NR3C2: variants seen among roughly 807,000 people sequenced by gnomAD.
NR3C2 encodes mineralocorticoid receptor.
A neutral mutation model predicts 86.4 loss-of-function variants in NR3C2; 15 were observed. The ratio of observed to expected loss-of-function variants is 0.17; its 90% CI spans 0.12 to 0.27. The LOEUF (loss-of-function observed/expected upper bound fraction) is 0.27. Ranked by LOEUF, NR3C2 falls within the 10% of genes least tolerant of loss-of-function variation. NR3C2 has a pLI of 1.00. For missense variants in NR3C2, 960 were observed against 1,195.6 expected, an observed-to-expected ratio of 0.80 and a Z score of 2.91; for synonymous variants, 458 against 450.5, an observed-to-expected ratio of 1.02 and a Z score of -0.21.
chr4:148,177,248 A>T (rs1389405982), intron 4 of NR3C2, among the ~76,000 whole-genome samples: 1 of 152,244 alleles, frequency 6.6e-6, no homozygotes, highest in Admixed American at 6.5e-5. Context: ...TAATTTGACA[A>T]ATCAATAGTT....
chr4:148,209,243 CAAAA>C (rs772286541), intron 3 of NR3C2, among the ~76,000 whole-genome samples: 2 of 108,810 alleles, frequency 1.8e-5, no homozygotes, highest in Non-Finnish European at 4.1e-5. Flanking sequence ...GACTCAGTCT[CAAAA>C]AAAAAAAAAA....
intron 4 of NR3C2, among the ~76,000 whole-genome samples, chr4:148,179,034 A>C (rs943092407): frequency 2.0e-5 from 3 of 151,672 alleles, no homozygotes; most frequent in African/African-American, 7.2e-5. Context: ...GCAGTTCACA[A>C]AGACTGTGCA....
intron 2 of NR3C2, among the ~76,000 whole-genome samples, chr4:148,431,297 T>C (rs986385593): frequency 1.3e-5 from 2 of 152,142 alleles, no homozygotes; most frequent in Non-Finnish European, 2.9e-5. Flanking sequence ...CTGAAAACCA[T>C]GAAGCTAGAC....
chr4:148,249,931 A>T lies in NR3C2; in HGVS notation c.1897+10047T>A, dbSNP rs533995344. On this transcript the variant is annotated intron_variant, in intron 3 of 8. Coordinates refer to ENST00000358102, the MANE Select transcript of NR3C2 (RefSeq NM_000901.5). ...TCTTTTCTTGATGTGGATTTGGTTTATGGTATCAGAAAGATGAGAGGGAGA... is the reference window on the plus strand; with the variant it reads ...TCTTTTCTTGATGTGGATTTGGTTTTTGGTATCAGAAAGATGAGAGGGAGA... Among the ~76,000 whole-genome samples, 12 of 152,268 alleles carry T rather than the reference A, an allele frequency of 7.9e-5. No homozygotes were observed. The South Asian group carries it at 2.5e-3, about 32-fold the overall frequency.
chr4:148,440,674 C>T (rs1750294337), intron 1 of NR3C2, among the ~76,000 whole-genome samples: 1 of 152,204 alleles, frequency 6.6e-6, no homozygotes, highest in Admixed American at 6.5e-5. Context: ...GGAGGTGCTA[C>T]TTTAAGCCAT....
chr4:148,153,530 T>C (rs544585441), intron 5 of NR3C2, among the ~76,000 whole-genome samples: 2 of 152,332 alleles, frequency 1.3e-5, no homozygotes, highest in Non-Finnish European at 2.9e-5. Context: ...GTTATTTTTC[T>C]GCCTGTGGAG....
intron 6 of NR3C2, among the ~76,000 whole-genome samples, chr4:148,142,108 G>A (rs1410461441): frequency 6.6e-6 from 1 of 152,142 alleles, no homozygotes; most frequent in Non-Finnish European, 1.5e-5. Context: ...TAATTTGGCT[G>A]GTGTGGAGTA....
chr4:148,100,862 C>CA (rs1296627274), intron 8 of NR3C2, among the ~76,000 whole-genome samples: 4 of 144,254 alleles, frequency 2.8e-5, no homozygotes, highest in African/African-American at 9.9e-5. Flanking sequence ...TGTATACATA[C>CA]AATGAAATAT....
intron 3 of NR3C2, among the ~76,000 whole-genome samples, chr4:148,213,106 A>G (rs1737360025): frequency 6.6e-6 from 1 of 150,620 alleles, no homozygotes; most frequent in African/African-American, 2.5e-5. Flanking sequence ...AATTTCTCCA[A>G]AGTTGAGAAG....
At chr4:148,425,337 T>C (rs1180068183) in intron 2 of NR3C2, among the ~76,000 whole-genome samples, 3 of 152,180 alleles carry the variant, frequency 2.0e-5, no homozygotes, top group Non-Finnish European at 2.9e-5. Flanking sequence ...TAAAGAAAGA[T>C]CATTCTGACA....
rs140737358 is a variant in NR3C2 at position 148,099,161 on chromosome 4, G to A, written c.2799+14943C>T. 6.6e-5 allele frequency among the ~76,000 whole-genome samples: 10 copies of A among 152,304 alleles called. No homozygotes were observed. In the East Asian group the frequency reaches 7.7e-4, roughly 12 times the overall value. On this transcript the variant is annotated intron_variant, in intron 8 of 8. Transcript: ENST00000358102. ...TTATATTATGCCTAGGCCAGGCTGC[G>A]TAACTGCGTAATTGGTGGGGCCCTG...
chr4:148,080,691 CT>C lies in NR3C2; in HGVS notation c.*652del. The C allele has an allele frequency of 3.7e-6, 1 of 267,846 alleles. No individual in the cohort carries two copies. Among genetic ancestry groups the C allele is most frequent in the Admixed American group, 4.0e-5 (1 of 24,840 alleles). 16.6% of individuals were successfully genotyped at this position (267,846 alleles called of 1,614,324 possible). On this transcript the variant is annotated 3_prime_UTR_variant, in exon 9 of 9. Coordinates refer to ENST00000358102, the MANE Select transcript of NR3C2 (RefSeq NM_000901.5). ...ATTTGTAAAGCCAACACAATAGATA[CT>C]AGAAATCAAACCAAGGCATTTAACA...
intron 6 of NR3C2, among the ~76,000 whole-genome samples, chr4:148,150,752 A>G (rs1734066310): frequency 6.6e-6 from 1 of 152,232 alleles, no homozygotes; most frequent in Non-Finnish European, 1.5e-5. Flanking sequence ...AAATAAATGC[A>G]GTCAGTAAGC....
At chr4:148,399,372 A>G (rs1018606172) in intron 2 of NR3C2, among the ~76,000 whole-genome samples, 1 of 151,804 alleles carries the variant, frequency 6.6e-6, no homozygotes, top group African/African-American at 2.4e-5. Context: ...TTGTTTTTCT[A>G]TATTAATTAT....
chr4:148,216,228 AC>A (rs914202334), intron 3 of NR3C2, among the ~76,000 whole-genome samples: 5 of 150,792 alleles, frequency 3.3e-5, no homozygotes, highest in Non-Finnish European at 7.4e-5. Flanking sequence ...ACTCCCCACC[AC>A]CCCCCCAACC....
chr4:148,342,264 T>A (rs1177751797), intron 2 of NR3C2, among the ~76,000 whole-genome samples: 1 of 151,828 alleles, frequency 6.6e-6, no homozygotes, highest in Non-Finnish European at 1.5e-5. Flanking sequence ...ACTAGTACCA[T>A]AAATAACATA....
At chr4:148,326,071 G>A (rs1281572742) in intron 2 of NR3C2, among the ~76,000 whole-genome samples, 2 of 152,070 alleles carry the variant, frequency 1.3e-5, no homozygotes, top group Admixed American at 1.3e-4. Flanking sequence ...GCAGGTTGGG[G>A]TAAAAACTAC....
intron 2 of NR3C2, among the ~76,000 whole-genome samples, chr4:148,419,370 A>G (rs61758347): frequency 2.0e-5 from 3 of 152,230 alleles, no homozygotes; most frequent in Non-Finnish European, 2.9e-5. Flanking sequence ...TTCTGAAGCT[A>G]TAAGCAAAAT....
chr4:148,203,857 A>C (rs1175553645), intron 3 of NR3C2, among the ~76,000 whole-genome samples: 3 of 152,188 alleles, frequency 2.0e-5, no homozygotes, highest in Non-Finnish European at 4.4e-5. Flanking sequence ...CTGGATTAAC[A>C]TGTTTTAAAA....
Sources: allele counts gnomAD v4.1 joint callset (sites outside exome capture counted in the v4.1 genomes callset), GRCh38; gene constraint gnomAD v4.1.1; transcripts MANE v1.5; gene names NCBI Gene and HGNC (gene_info 2026-07-23, HGNC 2026-07-21).